ILKAP: variants seen among roughly 807,000 people sequenced by gnomAD.
ILKAP encodes the protein integrin-linked kinase-associated serine/threonine phosphatase 2C.
A neutral mutation model predicts 49.1 loss-of-function variants in ILKAP; 11 were observed. The ratio of observed to expected loss-of-function variants is 0.22; its 90% CI spans 0.14 to 0.37. The LOEUF (loss-of-function observed/expected upper bound fraction) is 0.37. Ranked by LOEUF, ILKAP falls within the 10% of genes least tolerant of loss-of-function variation. The pLI, the probability that ILKAP is intolerant of heterozygous loss-of-function variation, is 1.00. For missense variants in ILKAP, 363 were observed against 510.8 expected (o/e 0.71, Z 2.79); for synonymous variants, 186 against 192.8 (o/e 0.96, Z 0.29).
Position 238,189,403 on chromosome 2 carries a change from CCTCA to C in ILKAP, c.298+446_298+449del, listed in dbSNP as rs796940269. 3.3e-5 allele frequency among the ~76,000 whole-genome samples: 5 copies of C among 152,216 alleles called. No individual in the cohort carries two copies. The East Asian group carries it at 5.8e-4, about 18-fold the overall frequency. On this transcript the variant is annotated intron_variant, in intron 4 of 11. Coordinates refer to ENST00000254654, the MANE Select transcript of ILKAP (RefSeq NM_030768.3). ...TTTAGTTAATACTTTTCGTTTTCTT[CCTCA>C]CTAACTTTGACAAGTTACACAACTG...
At chr2:238,187,806 T>C (rs1485977527) in intron 5 of ILKAP, among the ~76,000 whole-genome samples, 5 of 152,172 alleles carry the variant, frequency 3.3e-5, no homozygotes, top group Admixed American at 6.5e-5. Flanking sequence ...GCAGGGCTGC[T>C]CAACCGCGAC....
chr2:238,199,789 T>G lies in ILKAP; in HGVS notation c.55+3710A>C, dbSNP rs762925137. Among the ~76,000 whole-genome samples the G allele has an allele frequency of 6.4e-4, 97 of 152,012 alleles. 2 individuals carry two copies. Among genetic ancestry groups the G allele is most frequent in the Admixed American group, 3.3e-4 (5 of 15,260 alleles). On this transcript the variant is annotated intron_variant, in intron 1 of 11. Transcript: ENST00000254654. ...TTCAAATATTCTTCTTTTTTTTTTT[T>G]AATCGTAGAGACAGGGGTCTCACGA...
intron 1 of ILKAP, among the ~76,000 whole-genome samples, chr2:238,201,951 A>T (rs1379271790): frequency 3.3e-5 from 5 of 152,212 alleles, no homozygotes; most frequent in Non-Finnish European, 7.3e-5. Context: ...GGGGCAGGGC[A>T]CGGTGGCTCA....
At chr2:238,185,898 A>T (rs1209669512) in intron 5 of ILKAP, 2 of 152,186 alleles carry the variant, frequency 1.3e-5, no homozygotes, top group African/African-American at 4.8e-5. Flanking sequence ...ATTCTAAAAG[A>T]GATGTAACAC....
In ILKAP at chr2:238,188,180, C is replaced by T. The variant is rs1447072147; in HGVS notation, c.376G>A (p.Val126Ile). ...TCCTCGGTGATGTCGTTCAGGATGA[C>T]GTGGGCATCCTGCATCTCCTCCCTC... ...GEREEMQDAHVILNDITEECR... is the reference protein window; with the variant it reads ...GEREEMQDAHIILNDITEECR... The change falls in exon 5 of 12, where the codon GTC becomes ATC. Residue 126 changes from valine to isoleucine, a missense_variant. Around this residue, in one of 3 missense-constraint regions of ILKAP, gnomAD observed 166 missense variants for 307.3 expected, o/e 0.54. Transcript: ENST00000254654. 6 of 1,613,950 alleles carry T rather than the reference C, an allele frequency of 3.7e-6. No homozygotes were observed. Among genetic ancestry groups the T allele is most frequent in the Non-Finnish European group, 4.2e-6 (5 of 1,180,010 alleles).
Position 238,189,963 on chromosome 2 carries a change from G to T in ILKAP, c.188C>A (p.Ala63Asp). 6.2e-7 allele frequency: 1 copy of T among 1,613,818 alleles called. No individual in the cohort carries two copies. The highest frequency in any genetic ancestry group is 8.5e-7 in the Non-Finnish European group (1 of 1,179,882). The change falls in exon 4 of 12, where the codon GCC (alanine) becomes GAC (aspartate). Residue 63 changes from alanine to aspartate, a missense_variant. This residue lies in a region of ILKAP where 114 missense variants were observed against 116.0 expected (regional missense o/e 0.98). Transcript: ENST00000254654. The stretch of plus-strand genomic sequence containing the variant: ...CTTTACCATCTGGGATATTGATGTG[G>T]CAAGAGAACCTGGAAATAAAGTAAA... Reference protein sequence around the residue: ...PASSGDSGSLATSISQMVKTE... With the variant: ...PASSGDSGSLDTSISQMVKTE...
At chr2:238,188,029 T>C in intron 5 of ILKAP, 102 bp downstream of exon 5, 1 of 1,283,298 alleles carries the variant, frequency 7.8e-7, no homozygotes, top group Non-Finnish European at 1.1e-6. Flanking sequence ...AATCAAGTGA[T>C]GTGTTAGATT....
rs141030072 is a variant in ILKAP, at chr2:238,170,948, G to C, written c.1033C>G (p.Leu345Val). The change falls in exon 11 of 12, where the codon CTC becomes GTC. Residue 345 changes from leucine to valine, a missense_variant. Transcript: ENST00000254654. Reference sequence around the variant, plus strand: ...CCCCGTGTGAGATTTCTCACCTCGAGACAGGACAAGATGAAGTTCACGGCT... The same window carrying C: ...CCCCGTGTGAGATTTCTCACCTCGACACAGGACAAGATGAAGTTCACGGCT... ...EEAVNFILSC[L>V]EDEKIQTREG... The C allele has an allele frequency of 2.5e-6, 4 of 1,613,514 alleles. No homozygotes were observed. The African/African-American group carries it at 4.0e-5, about 16-fold the overall frequency.
rs1467065123 is a variant in ILKAP, at chr2:238,170,594, G to A, written c.1121C>T (p.Ala374Val). The A allele has an allele frequency of 7.5e-6, 12 of 1,608,022 alleles. No individual in the cohort carries two copies. Among genetic ancestry groups the A allele is most frequent in the Non-Finnish European group, 1.0e-5 (12 of 1,175,252 alleles). ...EAACNRLANK[A>V]VQRGSADNVT... The stretch of plus-strand genomic sequence containing the variant: ...GTTGTCGGCCGAGCCCCGCTGCACC[G>A]CCTTGTTGGCCAGCCTGTTGCAGGC... Residue 374 changes from alanine to valine, a missense_variant, in exon 12 of 12, where the codon GCG (alanine) becomes GTG (valine). Around this residue, in one of 3 missense-constraint regions of ILKAP, gnomAD observed 83 missense variants for 87.5 expected, o/e 0.95. Coordinates refer to ENST00000254654, the MANE Select transcript of ILKAP (RefSeq NM_030768.3).
chr2:238,183,496 C>T (rs1693779378), intron 8 of ILKAP, among the ~76,000 whole-genome samples, 157 bp downstream of exon 8: 2 of 152,164 alleles, frequency 1.3e-5, no homozygotes, highest in Non-Finnish European at 2.9e-5. Flanking sequence ...TGTTCCCTTA[C>T]CCAGAAGTTA....
chr2:238,198,945 T>A (rs2106341953), intron 1 of ILKAP, among the ~76,000 whole-genome samples: 1 of 152,264 alleles, frequency 6.6e-6, no homozygotes, highest in East Asian at 1.9e-4. Context: ...AGAGGTATTA[T>A]CAGAAAAAAG....
chr2:238,191,285 T>C (rs765942297), intron 3 of ILKAP, among the ~76,000 whole-genome samples: 9 of 151,904 alleles, frequency 5.9e-5, no homozygotes, highest in Non-Finnish European at 4.4e-5. Flanking sequence ...GAGTGCACCA[T>C]CACACCCAGC....
At chr2:238,196,249 C>A (rs1320980660) in intron 1 of ILKAP, among the ~76,000 whole-genome samples, 2 of 151,982 alleles carry the variant, frequency 1.3e-5, no homozygotes, top group African/African-American at 4.8e-5. Context: ...CACCACCATG[C>A]CCAAATAATT....
chr2:238,189,721 A>G (rs1158758850), intron 4 of ILKAP, 132 bp downstream of exon 4: 5 of 779,234 alleles, frequency 6.4e-6, no homozygotes, highest in Non-Finnish European at 9.9e-6. Context: ...TTCATTTGCA[A>G]AAAGGGAACC....
At chr2:238,173,452 A>C in intron 10 of ILKAP, 82 bp downstream of exon 10, 1 of 1,558,108 alleles carries the variant, frequency 6.4e-7, no homozygotes, top group South Asian at 1.1e-5. Context: ...TCCCTCCAAC[A>C]AAGGCTTGAT....
At chr2:238,196,887 A>C (rs559128848) in intron 1 of ILKAP, among the ~76,000 whole-genome samples, 2 of 152,306 alleles carry the variant, frequency 1.3e-5, no homozygotes, top group South Asian at 2.1e-4. Context: ...AGTATACAAG[A>C]AGCAGAAGAA....
At chr2:238,189,821 C>T (rs1293288231) in intron 4 of ILKAP, 32 bp downstream of exon 4, 1 of 1,607,282 alleles carries the variant, frequency 6.2e-7, no homozygotes, top group African/African-American at 1.3e-5. Flanking sequence ...AATATGAAGT[C>T]TAATACATTT....
At chr2:238,171,123 C>A in intron 10 of ILKAP, 99 bp from the exon 11 acceptor site, 2 of 792,104 alleles carry the variant, frequency 2.5e-6, no homozygotes, top group South Asian at 1.7e-5. Context: ...AATATTTGTC[C>A]AACTATTCAA....
At chr2:238,182,329 T>TA (rs1693731067) in intron 8 of ILKAP, 143 bp from the exon 9 acceptor site, 3 of 988,714 alleles carry the variant, frequency 3.0e-6, no homozygotes, top group Non-Finnish European at 1.5e-6. Flanking sequence ...CTGATAAACG[T>TA]AAGTTCAGAG....
Sources: allele counts gnomAD v4.1 joint callset (sites outside exome capture counted in the v4.1 genomes callset), GRCh38; gene constraint gnomAD v4.1.1; regional missense constraint gnomAD v4.1.1; transcripts MANE v1.5; gene names NCBI Gene and HGNC (gene_info 2026-07-23, HGNC 2026-07-21).